The following PKD2L1 variants were observed in gnomAD, a reference collection of about 807,000 sequenced individuals.
The protein encoded by PKD2L1 is polycystin 2 like 1, transient receptor potential cation channel, also known as polycystin-2-like protein 1.
In PKD2L1, 77 loss-of-function variants were observed where a neutral mutation model predicts 93.0. That is an observed-to-expected ratio of 0.83 (90% CI 0.69 to 1.00). The LOEUF is 1.00. Ranked by LOEUF, PKD2L1 falls within the 50% of genes least tolerant of loss-of-function variation. PKD2L1 has a pLI of 0.00. For synonymous variants in PKD2L1, 390 were observed against 388.0 expected (o/e 1.01, Z -0.06); for missense variants, 977 against 990.9 (o/e 0.99, Z 0.19).
intron 2 of PKD2L1, among the ~76,000 whole-genome samples, chr10:100,326,346 G>A (rs947194160): frequency 1.3e-5 from 2 of 152,272 alleles, no homozygotes; most frequent in South Asian, 2.1e-4. Context: ...CTCCAGCCAC[G>A]TTGATGCACT....
intron 2 of PKD2L1, among the ~76,000 whole-genome samples, chr10:100,326,235 G>T (rs1272807495): frequency 6.6e-6 from 1 of 152,106 alleles, no homozygotes; most frequent in Non-Finnish European, 1.5e-5. Flanking sequence ...TCAGAATAAA[G>T]TCCAAATTCT....
rs778730804 is a variant in PKD2L1 at position 100,294,585 on chromosome 10, C to T, written c.1609G>A (p.Gly537Ser). The stretch of plus-strand genomic sequence containing the variant: ...ACATAGGTGACAAAGTAGGCAGGGC[C>T]CAGGATGCGGTTGGCATTGTCGATA... ...NAIDNANRIL[G>S]PAYFVTYVFF... Residue 537 changes from glycine to serine, a missense_variant, in exon 9 of 16, where the codon GGC becomes AGC. Gly to Ser is a moderately conservative substitution (Grantham distance 56). Transcript: ENST00000318222. The T allele has an allele frequency of 1.2e-6, 2 of 1,613,998 alleles. No homozygotes were observed. The highest frequency in any genetic ancestry group is 1.7e-5 in the Admixed American group (1 of 59,996).
intron 2 of PKD2L1, among the ~76,000 whole-genome samples, chr10:100,314,968 AAGGAAG>A (rs1849038142): frequency 1.5e-4 from 2 of 13,388 alleles, no homozygotes; most frequent in Non-Finnish European, 2.7e-4. Context: ...AGAAAGAAGG[AAGGAAG>A]GAAGGAAGGA....
chr10:100,291,323 C>T lies in PKD2L1; in HGVS notation c.1985G>A (p.Arg662Gln), dbSNP rs778156563. Residue 662 changes from arginine to glutamine, a missense_variant, in exon 12 of 16, where the codon CGA (arginine) becomes CAA (glutamine). Coordinates refer to ENST00000318222, the MANE Select transcript of PKD2L1 (RefSeq NM_016112.3). ...ILDEKEQEKM[R>Q]QDLEEERVAL... ...CACCCTCTCTTCCTCCAGGTCCTGT[C>T]GCATTTTTTCCTGTTCCTTCTCATC... The T allele has an allele frequency of 1.5e-5, 25 of 1,613,712 alleles. No individual in the cohort carries two copies. The highest frequency in any genetic ancestry group is 4.5e-5 in the East Asian group (2 of 44,882).
chr10:100,305,683 G>A (rs1284508498), intron 2 of PKD2L1, among the ~76,000 whole-genome samples: 1 of 152,154 alleles, frequency 6.6e-6, no homozygotes, highest in Non-Finnish European at 1.5e-5. Context: ...GCAGAACTCA[G>A]TCTCTCTAAT....
chr10:100,329,604 C>G (rs1200014939), intron 1 of PKD2L1, among the ~76,000 whole-genome samples: 1 of 152,160 alleles, frequency 6.6e-6, no homozygotes, highest in Admixed American at 6.5e-5. Context: ...TCATCACATC[C>G]ATGTCCTCCC....
At chr10:100,328,617 CAG>C (rs1025017954) in intron 2 of PKD2L1, among the ~76,000 whole-genome samples, 1 of 145,996 alleles carries the variant, frequency 6.8e-6, no homozygotes, top group Admixed American at 7.0e-5. Context: ...GACAGAGAGA[CAG>C]AGTCTTGCTC....
At chr10:100,298,400 G>T (rs1848599259) in intron 4 of PKD2L1, among the ~76,000 whole-genome samples, 162 bp downstream of exon 4, 1 of 152,076 alleles carries the variant, frequency 6.6e-6, no homozygotes, top group Admixed American at 6.6e-5. Flanking sequence ...ACAGACCAAG[G>T]TCCCCAAACA....
At chr10:100,317,950 C>T (rs7901723) in intron 2 of PKD2L1, among the ~76,000 whole-genome samples, 115,228 of 151,930 alleles carry the variant, frequency 0.76, 44,557 homozygotes, top group Non-Finnish European at 0.84. Flanking sequence ...TGTGGTGGTG[C>T]GTACCTGTAA....
intron 2 of PKD2L1, among the ~76,000 whole-genome samples, chr10:100,324,248 C>A (rs763634281): frequency 6.6e-6 from 1 of 152,240 alleles, no homozygotes; most frequent in Non-Finnish European, 1.5e-5. Flanking sequence ...ACATCCAACA[C>A]CAGGGTGGTA....
In PKD2L1 at chr10:100,293,062, T is replaced by C; in HGVS notation, c.1766A>G (p.Asn589Ser). 6.2e-7 allele frequency: 1 copy of C among 1,613,910 alleles called. No individual in the cohort carries two copies. Among genetic ancestry groups the C allele is most frequent in the South Asian group, 1.1e-5 (1 of 91,070 alleles). The change falls in exon 11 of 16, where the codon AAC becomes AGC. Residue 589 changes from asparagine (N) to serine (S), a missense_variant. By Grantham distance (46) the Asn-to-Ser change is conservative. Coordinates refer to ENST00000318222, the MANE Select transcript of PKD2L1 (RefSeq NM_016112.3). ...CAGACGCAGTCTTAGTAGGGTCTTGTTGTAGCCCTGAAAGGGAAAGGAAAT... is the reference window on the plus strand; with the variant it reads ...CAGACGCAGTCTTAGTAGGGTCTTGCTGTAGCCCTGAAAGGGAAAGGAAAT... ...QLSDLLKQGY[N>S]KTLLRLRLRK...
At chr10:100,308,445 CT>C (rs1174499725) in intron 2 of PKD2L1, among the ~76,000 whole-genome samples, 1 of 151,990 alleles carries the variant, frequency 6.6e-6, no homozygotes, top group Non-Finnish European at 1.5e-5. Flanking sequence ...AGCAATTCTC[CT>C]GCTTCAGCCT....
At chr10:100,312,362 A>G (rs1027383222) in intron 2 of PKD2L1, among the ~76,000 whole-genome samples, 1 of 152,206 alleles carries the variant, frequency 6.6e-6, no homozygotes, top group Non-Finnish European at 1.5e-5. Flanking sequence ...GGGAAATTAG[A>G]TTCAGAGCCA....
intron 2 of PKD2L1, among the ~76,000 whole-genome samples, chr10:100,314,756 CG>C (rs1207436548): frequency 6.6e-6 from 1 of 151,538 alleles, no homozygotes; most frequent in Non-Finnish European, 1.5e-5. Flanking sequence ...TGAAATGGGC[CG>C]GGTGCGCTGG....
intron 2 of PKD2L1, among the ~76,000 whole-genome samples, chr10:100,317,032 G>A (rs1259329010): frequency 1.3e-5 from 2 of 151,958 alleles, no homozygotes; most frequent in South Asian, 2.1e-4. Context: ...TGGCTGCAGT[G>A]AGCCAAGATC....
rs1488082070 is a variant in PKD2L1, at chr10:100,330,050, T to C, written c.54A>G (p.Gly18=). ...CACTGTAGGCGGGGTTGTCCCAGGC[T>C]CCACTCCCCAGCTTTTGCAGCTCCT... ...EGQELQKLGS[G]AWDNPAYSGP... The change falls in exon 1 of 16, where the codon GGA becomes GGG. Residue 18 remains glycine, a synonymous_variant. Coordinates refer to ENST00000318222, the MANE Select transcript of PKD2L1 (RefSeq NM_016112.3). The C allele has an allele frequency of 6.2e-7, 1 of 1,609,486 alleles. No homozygotes were observed. The highest frequency in any genetic ancestry group is 8.5e-7 in the Non-Finnish European group (1 of 1,177,050).
At chr10:100,311,700 C>G (rs868476623) in intron 2 of PKD2L1, among the ~76,000 whole-genome samples, 6 of 152,284 alleles carry the variant, frequency 3.9e-5, no homozygotes, top group African/African-American at 1.4e-4. Context: ...TGATGGAACA[C>G]AGTTGTCCTT....
In PKD2L1 at chr10:100,291,388, G is replaced by A. The variant is rs148718274; in HGVS notation, c.1920C>T (p.Ala640=). ...HAEHEITELT[A]TFTKFDRDGN... is the part of the protein sequence containing the mutation. ...CATCTCTGTCAAACTTGGTGAAGGT[G>A]GCCGTGAGCTCAGTGATTTCATGCT... The change falls in exon 12 of 16, where the codon GCC becomes GCT. Residue 640 remains alanine, a synonymous_variant. Coordinates refer to ENST00000318222, the MANE Select transcript of PKD2L1 (RefSeq NM_016112.3). The A allele has an allele frequency of 6.2e-7, 1 of 1,613,996 alleles. No individual in the cohort carries two copies. Among genetic ancestry groups the A allele is most frequent in the Non-Finnish European group, 8.5e-7 (1 of 1,179,886 alleles).
chr10:100,326,239 A>C (rs974311020), intron 2 of PKD2L1, among the ~76,000 whole-genome samples: 2 of 152,168 alleles, frequency 1.3e-5, no homozygotes, highest in African/African-American at 4.8e-5. Context: ...AATAAAGTCC[A>C]AATTCTTTCT....
Sources: allele counts gnomAD v4.1 joint callset (sites outside exome capture counted in the v4.1 genomes callset), GRCh38; gene constraint gnomAD v4.1.1; transcripts MANE v1.5; gene names NCBI Gene and HGNC (gene_info 2026-07-23, HGNC 2026-07-21).